GPD1L: variants seen among roughly 807,000 people sequenced by gnomAD.
The protein encoded by GPD1L is glycerol-3-phosphate dehydrogenase 1-like protein.
A neutral mutation model predicts 32.9 loss-of-function variants in GPD1L; 17 were observed. The ratio of observed to expected loss-of-function variants is 0.52; its 90% CI spans 0.35 to 0.78. GPD1L has a LOEUF of 0.78. Among genes scored for constraint, GPD1L ranks in the 30% least tolerant of loss-of-function variants. GPD1L has a pLI of 0.01. For synonymous variants in GPD1L, 187 were observed against 165.9 expected (o/e 1.13, Z -0.98); for missense variants, 361 against 447.8 (o/e 0.81, Z 1.75).
intron 1 of GPD1L, among the ~76,000 whole-genome samples, chr3:32,113,294 T>C (rs1166666389): frequency 1.3e-5 from 2 of 152,062 alleles, no homozygotes; most frequent in East Asian, 3.8e-4. Flanking sequence ...CTTAGGAAAA[T>C]CTAAGCTAAA....
rs116105146 is a variant in GPD1L at position 32,139,957 on chromosome 3, G to C, written c.367-271G>C. Among the ~76,000 whole-genome samples, 3,301 of 152,308 alleles carry C rather than the reference G, an allele frequency of 0.022. 117 individuals are homozygous for C. Among genetic ancestry groups the C allele is most frequent in the African/African-American group, 0.075 (3,106 of 41,554 alleles). On this transcript the variant is annotated intron_variant, in intron 3 of 7. Transcript: ENST00000282541. ...AGCATTCAGGACAGTGGTTCACCCTGGGGAGCAGGGGTAGAAGGAGGATGA... is the reference window on the plus strand; with the variant it reads ...AGCATTCAGGACAGTGGTTCACCCTCGGGAGCAGGGGTAGAAGGAGGATGA...
intron 1 of GPD1L, among the ~76,000 whole-genome samples, chr3:32,110,659 C>T (rs1250628372): frequency 1.3e-5 from 2 of 152,188 alleles, no homozygotes; most frequent in African/African-American, 4.8e-5. Context: ...TTTGGTGAAG[C>T]TCATTTTCTC....
At chr3:32,143,319 G>A (rs1234559809) in intron 4 of GPD1L, among the ~76,000 whole-genome samples, 14 of 152,120 alleles carry the variant, frequency 9.2e-5, no homozygotes, top group Admixed American at 9.2e-4. Context: ...TCGAATTCCT[G>A]GCCTCATGGG....
chr3:32,131,872 A>G (rs1378155407), intron 2 of GPD1L, among the ~76,000 whole-genome samples: 1 of 152,242 alleles, frequency 6.6e-6, no homozygotes, highest in Non-Finnish European at 1.5e-5. Flanking sequence ...TGAATGTTCC[A>G]GTTTCTTCAC....
At position 32,136,876 on chromosome 3, in the gene GPD1L, G is replaced by A. The variant is rs1700670837; in HGVS notation, c.226-1711G>A. On this transcript the variant is annotated intron_variant, in intron 2 of 7. Transcript: ENST00000282541. ...AAGGGGGAAGAGAAAGTGTAGAGGA[G>A]GCAACCCACTGTCTTGAGGGCTCTG... Among the ~76,000 whole-genome samples, 6 of 152,052 alleles carry A rather than the reference G, an allele frequency of 3.9e-5. No individual in the cohort carries two copies. The South Asian group carries it at 1.2e-3, about 32-fold the overall frequency.
At chr3:32,119,025 A>C (rs749494883) in intron 1 of GPD1L, among the ~76,000 whole-genome samples, 2 of 152,226 alleles carry the variant, frequency 1.3e-5, no homozygotes, top group Non-Finnish European at 2.9e-5. Context: ...GTTGATGGAC[A>C]CTTGGGTTGC....
intron 4 of GPD1L, among the ~76,000 whole-genome samples, chr3:32,145,111 G>A (rs1046056269): frequency 1.3e-5 from 2 of 151,612 alleles, no homozygotes; most frequent in Non-Finnish European, 2.9e-5. Flanking sequence ...TGGAGGTCAG[G>A]AGTTCGAGAC....
intron 6 of GPD1L, 87 bp from the exon 7 acceptor site, chr3:32,159,478 AAAG>A (rs2125498218): frequency 1.1e-4 from 91 of 848,952 alleles, no homozygotes; most frequent in Middle Eastern, 3.5e-4. Flanking sequence ...AAAAAAAAAA[AAAG>A]AAAAAAAACA....
intron 1 of GPD1L, among the ~76,000 whole-genome samples, chr3:32,126,831 C>G (rs1470235042): frequency 6.6e-6 from 1 of 152,186 alleles, no homozygotes; most frequent in East Asian, 1.9e-4. Context: ...CCTGATCCCA[C>G]CACAGAAGTG....
chr3:32,113,528 C>G (rs1271941509), intron 1 of GPD1L, among the ~76,000 whole-genome samples: 1 of 152,178 alleles, frequency 6.6e-6, no homozygotes, highest in Non-Finnish European at 1.5e-5. Flanking sequence ...TTCCTCCTCC[C>G]CAACTGGGTG....
chr3:32,130,439 C>T (rs912530440), intron 2 of GPD1L, among the ~76,000 whole-genome samples: 8 of 152,122 alleles, frequency 5.3e-5, no homozygotes, highest in African/African-American at 1.9e-4. Context: ...TTTCCGTCAA[C>T]ACAAGCTCAC....
rs760654074 is a variant in GPD1L, at chr3:32,146,754, A to G, written c.618+20A>G. 1.4e-6 allele frequency: 2 copies of G among 1,397,368 alleles called. No individual in the cohort carries two copies. Among genetic ancestry groups the G allele is most frequent in the Admixed American group, 3.4e-5 (2 of 59,638 alleles). The allele number at this position is 1,397,368 out of a possible 1,614,324, so 86.6% of individuals were successfully genotyped here. A position where few individuals can be genotyped will look rare whatever the true frequency, so the allele number is the denominator to read the frequency against. ...CTTAAGGTAAAGTCAGCCTCAGGGG[A>G]GGAGTTCATCAAGCAAGGCAAATGT... is the stretch of plus-strand genomic sequence containing the variant. On this transcript the variant is annotated intron_variant, in intron 5 of 7. Transcript: ENST00000282541.
chr3:32,146,602 G>A lies in GPD1L; in HGVS notation c.506-20G>A. 1 of 1,370,664 alleles carries A rather than the reference G, an allele frequency of 7.3e-7. No homozygotes were observed. The highest frequency in any genetic ancestry group is 1.0e-6 in the Non-Finnish European group (1 of 957,930). The allele number at this position is 1,370,664 out of a possible 1,614,324, so 84.9% of individuals were successfully genotyped here. ...ATTAGAGGCTGTTATTAATATCCTTGTTGTCTAACCTTTCAACAGGCAGCA... is the reference window on the plus strand; with the variant it reads ...ATTAGAGGCTGTTATTAATATCCTTATTGTCTAACCTTTCAACAGGCAGCA... On this transcript the variant is annotated intron_variant, in intron 4 of 7. Transcript: ENST00000282541.
chr3:32,164,345 GAATTCTCACGGAGCACCTGCCCCTTGCC>G (rs1559584955), intron 7 of GPD1L, among the ~76,000 whole-genome samples: 8 of 152,192 alleles, frequency 5.3e-5, no homozygotes, highest in African/African-American at 1.9e-4. Context: ...TTTATTCAAC[GAATTCTCACGGAGCACCTGCCCCTTGCC>G]GTGCATGGTG....
chr3:32,166,000 T>C lies in GPD1L; in HGVS notation c.*90T>C. On this transcript the variant is annotated 3_prime_UTR_variant, in exon 8 of 8. Coordinates refer to ENST00000282541, the MANE Select transcript of GPD1L (RefSeq NM_015141.4). ...AAACCAGGACTTGGCAACATGATGT[T>C]TGACTGTAATCTCATCACGGATATG... The C allele has an allele frequency of 1.3e-6, 1 of 777,590 alleles. No homozygotes were observed. The highest frequency in any genetic ancestry group is 2.3e-6 in the Non-Finnish European group (1 of 426,308). 48.2% of individuals were successfully genotyped at this position (777,590 alleles called of 1,614,324 possible). A position where few individuals can be genotyped will look rare whatever the true frequency, so the allele number is the denominator to read the frequency against.
intron 1 of GPD1L, among the ~76,000 whole-genome samples, chr3:32,119,565 G>A (rs759141818): frequency 1.3e-5 from 2 of 152,002 alleles, no homozygotes; most frequent in African/African-American, 2.4e-5. Context: ...AATAACATTC[G>A]CCAAGTTGAA....
At chr3:32,148,020 C>T (rs1700858061) in intron 5 of GPD1L, among the ~76,000 whole-genome samples, 1 of 152,204 alleles carries the variant, frequency 6.6e-6, no homozygotes, top group Non-Finnish European at 1.5e-5. Flanking sequence ...CATGCAGGCC[C>T]AGTTATACAT....
chr3:32,162,810 G>C (rs1490645268), intron 7 of GPD1L, among the ~76,000 whole-genome samples: 1 of 152,024 alleles, frequency 6.6e-6, no homozygotes, highest in Non-Finnish European at 1.5e-5. Context: ...ACCCAGGCTG[G>C]AGTGCAATGG....
At chr3:32,133,353 A>G (rs1700614103) in intron 2 of GPD1L, among the ~76,000 whole-genome samples, 1 of 152,194 alleles carries the variant, frequency 6.6e-6, no homozygotes, top group African/African-American at 2.4e-5. Flanking sequence ...TGTCATTACT[A>G]TGATGTTGCT....
Sources: allele counts gnomAD v4.1 joint callset (sites outside exome capture counted in the v4.1 genomes callset), GRCh38; gene constraint gnomAD v4.1.1; transcripts MANE v1.5; gene names NCBI Gene and HGNC (gene_info 2026-07-23, HGNC 2026-07-21).